Variants in FREM2 observed in about 807,000 individuals in gnomAD.
FREM2 encodes the protein FRAS1-related extracellular matrix protein 2.
A neutral mutation model predicts 219.9 loss-of-function variants in FREM2; 119 were observed. That is an observed-to-expected ratio of 0.54 (90% confidence interval 0.47 to 0.63). FREM2 has a LOEUF of 0.63. Ranked by LOEUF, FREM2 falls within the 30% of genes least tolerant of loss-of-function variation. The probability of loss-of-function intolerance (pLI) is 0.00; values close to 1 mark genes in which losing one functional copy is unlikely to be tolerated. For missense variants in FREM2, 4,030 were observed against 3,993.6 expected (o/e 1.01, Z -0.25); for synonymous variants, 1,562 against 1,522.8 (o/e 1.03, Z -0.60).
At chr13:38,771,568 A>T (rs150548413) in intron 4 of FREM2, among the ~76,000 whole-genome samples, 3 of 152,154 alleles carry the variant, frequency 2.0e-5, no homozygotes, top group African/African-American at 7.2e-5. Context: ...CCCCACATAC[A>T]CAGCCCCCCA....
In FREM2 at chr13:38,690,010, T is replaced by A; in HGVS notation, c.2666T>A (p.Leu889His). The A allele has an allele frequency of 6.2e-7, 1 of 1,614,062 alleles. No homozygotes were observed. The highest frequency in any genetic ancestry group is 8.5e-7 in the Non-Finnish European group (1 of 1,180,028). ...GGACAGATCCTGCATGTAGGGGGTC[T>A]CTTCCACTTGGAGGACATAAAACAG... The part of the protein sequence containing the change: ...VSGQILHVGG[L>H]FHLEDIKQGR... Residue 889 changes from leucine to histidine, a missense_variant, in exon 1 of 24, where the codon CTC becomes CAC. Coordinates refer to ENST00000280481, the MANE Select transcript of FREM2 (RefSeq NM_207361.6).
intron 2 of FREM2, among the ~76,000 whole-genome samples, chr13:38,708,916 C>T (rs768352648): frequency 2.0e-5 from 3 of 152,030 alleles, no homozygotes; most frequent in Admixed American, 6.6e-5. Flanking sequence ...CCCGCCATGA[C>T]GCCCAGATAA....
intron 1 of FREM2, among the ~76,000 whole-genome samples, chr13:38,693,980 A>G (rs1480329655): frequency 6.6e-6 from 1 of 152,228 alleles, no homozygotes; most frequent in Non-Finnish European, 1.5e-5. Flanking sequence ...TGGAGAGGGA[A>G]GAGAATGAAA....
intron 2 of FREM2, among the ~76,000 whole-genome samples, chr13:38,762,554 C>T (rs1873270837): frequency 6.6e-6 from 1 of 152,040 alleles, no homozygotes; most frequent in Non-Finnish European, 1.5e-5. Flanking sequence ...ATTCTCCTGC[C>T]TCAGCCTCCC....
chr13:38,754,901 G>GATGATGATT (rs56270131), intron 2 of FREM2, among the ~76,000 whole-genome samples: 62 of 128,664 alleles, frequency 4.8e-4, no homozygotes, highest in Middle Eastern at 4.3e-3. Flanking sequence ...TGATGATGAT[G>GATGATGATT]ATTATTATTA....
chr13:38,729,694 C>T (rs1871686157), intron 2 of FREM2, among the ~76,000 whole-genome samples: 1 of 152,184 alleles, frequency 6.6e-6, no homozygotes, highest in African/African-American at 2.4e-5. Context: ...TTTCTTTAGA[C>T]TTTACCTAAG....
intron 6 of FREM2, among the ~76,000 whole-genome samples, chr13:38,787,724 TTTA>T (rs540155871): frequency 1.0e-3 from 152 of 149,952 alleles, no homozygotes; most frequent in African/African-American, 3.5e-3. Flanking sequence ...ATTTATTAAG[TTTA>T]TTATTGTTAT....
At chr13:38,878,583 G>A (rs180751784) in intron 22 of FREM2, among the ~76,000 whole-genome samples, 56 of 151,732 alleles carry the variant, frequency 3.7e-4, no homozygotes, top group Middle Eastern at 3.4e-3. Flanking sequence ...GGGAGGCTGA[G>A]GTGGGAAGAT....
intron 22 of FREM2, 105 bp downstream of exon 22, chr13:38,878,426 C>A: frequency 2.0e-6 from 1 of 496,006 alleles, no homozygotes; most frequent in Non-Finnish European, 3.5e-6. Flanking sequence ...CACTATAGTC[C>A]CAGCACTTTG....
At chr13:38,798,844 AT>A (rs1874894728) in intron 6 of FREM2, among the ~76,000 whole-genome samples, 1 of 151,654 alleles carries the variant, frequency 6.6e-6, no homozygotes, top group Admixed American at 6.6e-5. Context: ...GATTTTGTTT[AT>A]TTGGGTCTTC....
intron 6 of FREM2, among the ~76,000 whole-genome samples, chr13:38,846,209 G>A (rs1390996537): frequency 6.8e-6 from 1 of 147,730 alleles, no homozygotes; most frequent in African/African-American, 2.5e-5. Context: ...TGAGTGGCTT[G>A]GCCAAAGTAA....
chr13:38,696,322 C>A (rs1159339878), intron 1 of FREM2, among the ~76,000 whole-genome samples: 2 of 152,204 alleles, frequency 1.3e-5, no homozygotes, highest in Admixed American at 1.3e-4. Context: ...CATTTTACAT[C>A]TGTAAAGTGG....
At chr13:38,878,089 AC>A (rs1878406416) in intron 21 of FREM2, 44 bp from the exon 22 acceptor site, 10 of 1,487,004 alleles carry the variant, frequency 6.7e-6, no homozygotes, top group Non-Finnish European at 9.4e-6. Flanking sequence ...ACGTTGATAT[AC>A]CTTATCATAT....
intron 2 of FREM2, among the ~76,000 whole-genome samples, chr13:38,698,833 T>C (rs1870226482): frequency 6.6e-6 from 1 of 152,202 alleles, no homozygotes; most frequent in Admixed American, 6.5e-5. Context: ...CTGAAAAATG[T>C]CAATTGTTGA....
chr13:38,749,010 G>A (rs539794985), intron 2 of FREM2, among the ~76,000 whole-genome samples: 6 of 152,148 alleles, frequency 3.9e-5, no homozygotes, highest in Non-Finnish European at 7.3e-5. Context: ...TGGGAGTCTG[G>A]ATAACTTGTG....
rs573052305 is a variant in FREM2 at position 38,839,265 on chromosome 13, C to T, written c.6020-7308C>T. Among the ~76,000 whole-genome samples, 6 of 152,290 alleles carry T rather than the reference C, an allele frequency of 3.9e-5. No individual in the cohort carries two copies. In the South Asian group the frequency reaches 1.2e-3, roughly 32 times the overall value. On this transcript the variant is annotated intron_variant, in intron 6 of 23. Coordinates refer to ENST00000280481, the MANE Select transcript of FREM2 (RefSeq NM_207361.6). ...TTTGCTGTGGTTCCCCTCCAGACCC[C>T]GTTTGCCTGGGTATCACCAGCAGAG... is the stretch of plus-strand genomic sequence containing the variant.
At chr13:38,708,154 T>C (rs1346277953) in intron 2 of FREM2, among the ~76,000 whole-genome samples, 1 of 152,218 alleles carries the variant, frequency 6.6e-6, no homozygotes, top group Non-Finnish European at 1.5e-5. Flanking sequence ...CCCACTATAA[T>C]ATATGCTGTC....
At chr13:38,699,817 G>A (rs1018843449) in intron 2 of FREM2, among the ~76,000 whole-genome samples, 1 of 152,034 alleles carries the variant, frequency 6.6e-6, no homozygotes, top group Non-Finnish European at 1.5e-5. Flanking sequence ...TAGGATTTTT[G>A]CATTGCCGTA....
intron 2 of FREM2, among the ~76,000 whole-genome samples, chr13:38,734,753 T>C (rs1374711658): frequency 6.8e-6 from 1 of 147,286 alleles, no homozygotes; most frequent in Admixed American, 6.8e-5. Flanking sequence ...TTTTTTTTTT[T>C]TTTTTTTTTC....
Sources: gnomAD v4.1 joint callset for allele counts (sites outside exome capture counted in the v4.1 genomes callset) on GRCh38, gnomAD v4.1.1 for gene constraint, MANE v1.5 for transcripts, NCBI Gene and HGNC (gene_info 2026-07-23, HGNC 2026-07-21) for gene names.